Variants in BCAM observed in about 807,000 individuals in gnomAD.
The protein encoded by BCAM is basal cell adhesion molecule (Lutheran blood group).
In BCAM, 61 loss-of-function variants were observed where a neutral mutation model predicts 72.4. That is an observed-to-expected ratio of 0.84 (90% CI 0.69 to 1.04). The LOEUF (loss-of-function observed/expected upper bound fraction) is 1.04. BCAM is among the 50% of genes least tolerant of loss of function. The pLI is 0.00. For synonymous variants in BCAM, 408 were observed against 384.2 expected (o/e 1.06, Z -0.73); for missense variants, 909 against 895.0 (o/e 1.02, Z -0.20).
At chr19:44,817,448 G>T (rs966671604) in intron 8 of BCAM, among the ~76,000 whole-genome samples, 1 of 152,086 alleles carries the variant, frequency 6.6e-6, no homozygotes, top group African/African-American at 2.4e-5. Flanking sequence ...CATCTTTTAG[G>T]CACCCTCAAG....
At position 44,818,095 on chromosome 19, in the gene BCAM, C is replaced by A. The variant is rs1300112861; in HGVS notation, c.1079-427C>A. Among the ~76,000 whole-genome samples the A allele has an allele frequency of 6.6e-6, 1 of 152,114 alleles. No individual in the cohort carries two copies. The highest frequency in any genetic ancestry group is 1.5e-5 in the Non-Finnish European group (1 of 68,008). ...ATCACTTGAGGCCAGGAGTTTGAGA[C>A]CCAGCCTGGCCAACATAGCAACACC... On this transcript the variant is annotated intron_variant, in intron 8 of 14. Coordinates refer to ENST00000270233, the MANE Select transcript of BCAM (RefSeq NM_005581.5). This position sits in a 1 kb window ranked among gnomAD's most constrained non-coding sequence, Gnocchi z 4.6.
In BCAM at chr19:44,819,226, C is replaced by T. The variant is rs770519436; in HGVS notation, c.1473+34C>T. 3 of 1,613,064 alleles carry T rather than the reference C, an allele frequency of 1.9e-6. No homozygotes were observed. The Admixed American group carries it at 5.0e-5, about 27-fold the overall frequency. On this transcript the variant is annotated intron_variant, in intron 11 of 14. Coordinates refer to ENST00000270233, the MANE Select transcript of BCAM (RefSeq NM_005581.5). ...CCTTCCTCTCCACCCTGAGCCCCCT[C>T]TCACTCATCCAAGTATCACACCCTC...
Position 44,816,032 on chromosome 19 carries a change from A to T in BCAM, c.1078+1272A>T, listed in dbSNP as rs1351614016. 7.9e-5 allele frequency among the ~76,000 whole-genome samples: 12 copies of T among 152,104 alleles called. No homozygotes were observed. The East Asian group carries it at 2.1e-3, about 27-fold the overall frequency. On this transcript the variant is annotated intron_variant, in intron 8 of 14. Coordinates refer to ENST00000270233, the MANE Select transcript of BCAM (RefSeq NM_005581.5). Reference sequence around the variant, plus strand: ...GTCTCAGGAAAAATAAAAATAAAAAAGTAGGCCGGGCCCCGTGGCTCATGC... The same window carrying T: ...GTCTCAGGAAAAATAAAAATAAAAATGTAGGCCGGGCCCCGTGGCTCATGC...
At chr19:44,816,948 A>G (rs1968510383) in intron 8 of BCAM, among the ~76,000 whole-genome samples, 1 of 151,082 alleles carries the variant, frequency 6.6e-6, no homozygotes. Flanking sequence ...CAAAGAAAAA[A>G]GAAATTGGCC....
chr19:44,820,634 C>T (rs949963177), intron 13 of BCAM, 71 bp from the exon 14 acceptor site: 9 of 1,367,566 alleles, frequency 6.6e-6, no homozygotes, highest in Admixed American at 6.6e-5. Context: ...CACCCACCCC[C>T]ATCCTCAGTT....
In BCAM at chr19:44,812,903, T is replaced by A. The variant is rs1326320080; in HGVS notation, c.505-347T>A. The A allele has an allele frequency of 1.5e-4, 60 of 391,826 alleles. 1 individual carries two copies. Among genetic ancestry groups the A allele is most frequent in the African/African-American group, 1.3e-3 (56 of 41,990 alleles). 24.3% of individuals were successfully genotyped at this position (391,826 alleles called of 1,614,324 possible). A position where few individuals can be genotyped will look rare whatever the true frequency, so the allele number is the denominator to read the frequency against. On this transcript the variant is annotated intron_variant, in intron 4 of 14. Coordinates refer to ENST00000270233, the MANE Select transcript of BCAM (RefSeq NM_005581.5). The surrounding 1 kb of genome is among the most constrained non-coding windows in gnomAD (Gnocchi z 5.3). Reference sequence around the variant, plus strand: ...AGGCAGAGGCTACAGTGAGCTAAGATCACACCACTGCACTCCAGCCTGGGC... The same window carrying A: ...AGGCAGAGGCTACAGTGAGCTAAGAACACACCACTGCACTCCAGCCTGGGC...
At position 44,813,735 on chromosome 19, in the gene BCAM, TA is replaced by T. The variant is rs943238747; in HGVS notation, c.784+124del. ...GACCCTCTGCCTCCCTACTTCATGC[TA>T]AAAAAAAATGTGCTAGTGCTGGCCA... On this transcript the variant is annotated intron_variant, in intron 6 of 14. Coordinates refer to ENST00000270233, the MANE Select transcript of BCAM (RefSeq NM_005581.5). The surrounding 1 kb of genome is among the most constrained non-coding windows in gnomAD (Gnocchi z 4.2). 1,910 of 1,319,770 alleles carry T rather than the reference TA, an allele frequency of 1.4e-3. No homozygotes were observed. Among genetic ancestry groups the T allele is most frequent in the South Asian group, 1.7e-3 (111 of 66,574 alleles). 81.8% of individuals were successfully genotyped at this position (1,319,770 alleles called of 1,614,324 possible).
chr19:44,820,835 C>A lies in BCAM; in HGVS notation c.1881+13C>A. The A allele has an allele frequency of 6.6e-7, 1 of 1,519,690 alleles. No homozygotes were observed. Among genetic ancestry groups the A allele is most frequent in the East Asian group, 2.5e-5 (1 of 40,286 alleles). 94.1% of individuals were successfully genotyped at this position (1,519,690 alleles called of 1,614,324 possible). A position where few individuals can be genotyped will look rare whatever the true frequency, so the allele number is the denominator to read the frequency against. On this transcript the variant is annotated intron_variant, in intron 14 of 14. Transcript: ENST00000270233. The stretch of plus-strand genomic sequence containing the variant: ...CTTCGGAGACGAGGTGGGTGAGGGC[C>A]TGGGCCCCCTGGTGAGAGGGACCTG...
intron 10 of BCAM, 39 bp from the exon 11 acceptor site, chr19:44,819,017 C>T: frequency 6.2e-7 from 1 of 1,609,240 alleles, no homozygotes; most frequent in East Asian, 2.2e-5. Context: ...CTCTCTCTCT[C>T]CTCTCCCTTC....
rs1466145401 is a variant in BCAM, at chr19:44,814,599, C to T, written c.922-5C>T. The stretch of plus-strand genomic sequence containing the variant: ...GAGCCTGGTTCCTCGTCCCCCGTCT[C>T]CCAGGATGAGCAGGAGGAAGTGCTG... On this transcript the variant is annotated splice_region_variant and splice_polypyrimidine_tract_variant and intron_variant, in intron 7 of 14. Coordinates refer to ENST00000270233, the MANE Select transcript of BCAM (RefSeq NM_005581.5). This position sits in a 1 kb window ranked among gnomAD's most constrained non-coding sequence, Gnocchi z 4.6. 6.2e-7 allele frequency: 1 copy of T among 1,611,636 alleles called. No homozygotes were observed. Among genetic ancestry groups the T allele is most frequent in the Non-Finnish European group, 8.5e-7 (1 of 1,178,328 alleles).
chr19:44,814,422 G>A lies in BCAM; in HGVS notation c.921+134G>A, dbSNP rs546278923. ...GCAGCCACCTGATCTGGTGGCCCAC[G>A]AACTAAAAGGACCTCTGACCCCTGA... On this transcript the variant is annotated intron_variant, in intron 7 of 14. Transcript: ENST00000270233. This position sits in a 1 kb window ranked among gnomAD's most constrained non-coding sequence, Gnocchi z 4.6. 29 of 1,424,618 alleles carry A rather than the reference G, an allele frequency of 2.0e-5. No individual in the cohort carries two copies. The highest frequency in any genetic ancestry group is 3.7e-4 in the Middle Eastern group (2 of 5,468). The allele number at this position is 1,424,618 out of a possible 1,614,324, so 88.2% of individuals were successfully genotyped here. A position where few individuals can be genotyped will look rare whatever the true frequency, so the allele number is the denominator to read the frequency against.
Position 44,820,794 on chromosome 19 carries a change from G to T in BCAM, c.1853G>T (p.Arg618Met). 6.6e-7 allele frequency: 1 copy of T among 1,512,692 alleles called. No homozygotes were observed. Among genetic ancestry groups the T allele is most frequent in the South Asian group, 1.3e-5 (1 of 78,742 alleles). The allele number at this position is 1,512,692 out of a possible 1,614,324, so 93.7% of individuals were successfully genotyped here. Residue 618 changes from arginine to methionine, a missense_variant, in exon 14 of 15, where the codon AGG becomes ATG. Physicochemically the swap from Arg to Met is moderately conservative, Grantham distance 91 (BLOSUM62 -1). Transcript: ENST00000270233. ...ATGGGAGGTGCCTCCGGAGGAGCCA[G>T]GGGTGGCAGCGGGGGCTTCGGAGAC... is the stretch of plus-strand genomic sequence containing the variant. ...LLMGGASGGA[R>M]GGSGGFGDEC
At chr19:44,811,585 A>T (rs1968420505) in intron 2 of BCAM, 7 of 528,714 alleles carry the variant, frequency 1.3e-5, no homozygotes, top group Non-Finnish European at 1.9e-5. Context: ...GAGAACAGAG[A>T]CAGACATCAA....
In BCAM at chr19:44,818,920, CAGTGTGG is replaced by C. The variant is rs748106606; in HGVS notation, c.1336+39_1336+45del. 1.9e-6 allele frequency: 3 copies of C among 1,607,128 alleles called. No individual in the cohort carries two copies. In the South Asian group the frequency reaches 3.3e-5, roughly 18 times the overall value. ...GGGAGGGGGTGGGCTTGGATGGGGA[CAGTGTGG>C]GGTGTGGGACCTGGACAAACAGGAC... On this transcript the variant is annotated intron_variant, in intron 10 of 14. Coordinates refer to ENST00000270233, the MANE Select transcript of BCAM (RefSeq NM_005581.5). This position sits in a 1 kb window ranked among gnomAD's most constrained non-coding sequence, Gnocchi z 4.6.
At chr19:44,819,922 ACTCATCCTCATCCCCAAC>A (rs1199902999) in intron 13 of BCAM, 196 bp downstream of exon 13, 4 of 324,944 alleles carry the variant, frequency 1.2e-5, no homozygotes, top group Non-Finnish European at 1.5e-5. Flanking sequence ...GCCATCCCCA[ACTCATCCTCATCCCCAAC>A]TGCAGCCCCA....
chr19:44,820,782 C>T lies in BCAM; in HGVS notation c.1841C>T (p.Ser614Phe). ...EQTGLLMGGA[S>F]GGARGGSGGF... is the part of the protein sequence containing the mutation. ...ACCGGCCTTCTCATGGGAGGTGCCT[C>T]CGGAGGAGCCAGGGGTGGCAGCGGG... is the stretch of plus-strand genomic sequence containing the variant. Residue 614 changes from serine (S) to phenylalanine (F), a missense_variant, in exon 14 of 15, where the codon TCC (serine) becomes TTC (phenylalanine). Physicochemically the swap from Ser to Phe is radical, Grantham distance 155. Transcript: ENST00000270233. 1.3e-6 allele frequency: 2 copies of T among 1,507,370 alleles called. No homozygotes were observed. The highest frequency in any genetic ancestry group is 2.5e-5 in the East Asian group (1 of 39,216). The allele number at this position is 1,507,370 out of a possible 1,614,324, so 93.4% of individuals were successfully genotyped here. A position where few individuals can be genotyped will look rare whatever the true frequency, so the allele number is the denominator to read the frequency against.
At position 44,811,301 on chromosome 19, in the gene BCAM, C is replaced by T. The variant is rs1968416512; in HGVS notation, c.159C>T (p.Cys53=). The part of the protein sequence containing the change: ...VMRGKSVILD[C]TPTGTHDHYM... ...GAGGAAAGTCTGTCATTCTGGACTG[C>T]ACCCCTACGGGAACCCACGACCATT... Residue 53 remains cysteine, a synonymous_variant, in exon 2 of 15, where the codon TGC becomes TGT. Transcript: ENST00000270233. The T allele has an allele frequency of 3.7e-6, 6 of 1,613,474 alleles. No homozygotes were observed. In the African/African-American group the frequency reaches 5.3e-5, roughly 14 times the overall value.
intron 13 of BCAM, chr19:44,820,390 T>A: frequency 8.9e-7 from 1 of 1,127,366 alleles, no homozygotes; most frequent in Non-Finnish European, 1.1e-6. Flanking sequence ...CTCCTCCTCA[T>A]CTAACCTTGT....
Position 44,812,964 on chromosome 19 carries a change from A to AG in BCAM, c.505-286_505-285insG, listed in dbSNP as rs1568571649. The AG allele has an allele frequency of 2.3e-4, 97 of 418,154 alleles. No homozygotes were observed. The highest frequency in any genetic ancestry group is 6.4e-4 in the Middle Eastern group (1 of 1,554). The allele number at this position is 418,154 out of a possible 1,614,324, so 25.9% of individuals were successfully genotyped here. A position where few individuals can be genotyped will look rare whatever the true frequency, so the allele number is the denominator to read the frequency against. On this transcript the variant is annotated intron_variant, in intron 4 of 14. Coordinates refer to ENST00000270233, the MANE Select transcript of BCAM (RefSeq NM_005581.5). The surrounding 1 kb of genome is among the most constrained non-coding windows in gnomAD (Gnocchi z 5.3). ...TACTCCGTCTCAAAAAAAAAAAAAA[A>AG]AAGAAGAAGAAAAGAAAAAAGAAAG...
Sources: allele counts gnomAD v4.1 joint callset (sites outside exome capture counted in the v4.1 genomes callset), GRCh38; gene constraint gnomAD v4.1.1; non-coding constraint Gnocchi (gnomAD v3.1); transcripts MANE v1.5; gene names NCBI Gene and HGNC (gene_info 2026-07-23, HGNC 2026-07-21).